PRIMA1: variants seen among roughly 807,000 people sequenced by gnomAD.
PRIMA1 encodes proline rich membrane anchor 1, also known as proline-rich membrane anchor 1.
In PRIMA1, 7 loss-of-function variants were observed where a neutral mutation model predicts 17.5. The observed-to-expected ratio is 0.40, with a 90% CI of 0.23 to 0.75. The LOEUF is 0.75. PRIMA1 is among the 30% of genes least tolerant of loss of function. The pLI, the probability that PRIMA1 is intolerant of heterozygous loss-of-function variation, is 0.37. For synonymous variants in PRIMA1, 97 were observed against 77.9 expected (o/e 1.25, Z -1.29); for missense variants, 200 against 201.8 (o/e 0.99, Z 0.05).
In PRIMA1 at chr14:93,726,819, C is replaced by A. The variant is rs1487869770; in HGVS notation, c.360-5273G>T. Among the ~76,000 whole-genome samples the A allele has an allele frequency of 6.6e-6, 1 of 152,090 alleles. No individual in the cohort carries two copies. The highest frequency in any genetic ancestry group is 1.5e-5 in the Non-Finnish European group (1 of 68,014). On this transcript the variant is annotated intron_variant, in intron 4 of 4. Transcript: ENST00000393140. This position sits in a 1 kb window ranked among gnomAD's most constrained non-coding sequence, Gnocchi z 4.2. The stretch of plus-strand genomic sequence containing the variant: ...ACACACATGTACTTCAACACACACA[C>A]AATATACACATACACACATGTCCCT...
At chr14:93,752,368 C>A (rs2076265104) in intron 3 of PRIMA1, among the ~76,000 whole-genome samples, 1 of 152,226 alleles carries the variant, frequency 6.6e-6, no homozygotes, top group Admixed American at 6.5e-5. Context: ...CCGCCCCCGG[C>A]AAGCCAACGC....
intron 3 of PRIMA1, among the ~76,000 whole-genome samples, chr14:93,776,837 C>T (rs1344954156): frequency 6.6e-6 from 1 of 152,246 alleles, no homozygotes; most frequent in African/African-American, 2.4e-5. Context: ...ATGGCTTTCA[C>T]ATCTCTCTAC....
chr14:93,727,777 C>T (rs1286622452), intron 4 of PRIMA1, among the ~76,000 whole-genome samples: 2 of 152,184 alleles, frequency 1.3e-5, no homozygotes, highest in African/African-American at 4.8e-5. Context: ...TTCACCTTGT[C>T]TTCCTGTCAC....
intron 3 of PRIMA1, among the ~76,000 whole-genome samples, chr14:93,770,174 T>C (rs1408790496): frequency 6.6e-6 from 1 of 152,150 alleles, no homozygotes; most frequent in Non-Finnish European, 1.5e-5. Flanking sequence ...CATCTCTCCC[T>C]GCACCGTCAC....
chr14:93,776,802 G>A (rs1313796502), intron 3 of PRIMA1, among the ~76,000 whole-genome samples: 1 of 152,160 alleles, frequency 6.6e-6, no homozygotes, highest in Non-Finnish European at 1.5e-5. Flanking sequence ...TTACTTTATA[G>A]AGAAGGTCTC....
intron 3 of PRIMA1, among the ~76,000 whole-genome samples, chr14:93,744,886 G>T (rs2076207171): frequency 6.6e-6 from 1 of 152,152 alleles, no homozygotes; most frequent in Non-Finnish European, 1.5e-5. Flanking sequence ...GGGGCACAGA[G>T]CTCCTGGGGG....
intron 4 of PRIMA1, among the ~76,000 whole-genome samples, chr14:93,724,752 C>T (rs543206949): frequency 3.9e-5 from 6 of 152,176 alleles, no homozygotes; most frequent in Non-Finnish European, 7.3e-5. Context: ...CCCAAGCCCA[C>T]ACTGCATTCT....
intron 1 of PRIMA1, among the ~76,000 whole-genome samples, chr14:93,788,187 G>T (rs1207233578): frequency 1.3e-5 from 2 of 152,032 alleles, no homozygotes; most frequent in Non-Finnish European, 2.9e-5. Flanking sequence ...CACACCCACC[G>T]ACTCCTGCCT....
At chr14:93,770,038 C>T (rs1441523441) in intron 3 of PRIMA1, among the ~76,000 whole-genome samples, 1 of 152,220 alleles carries the variant, frequency 6.6e-6, no homozygotes, top group African/African-American at 2.4e-5. Context: ...TAGCAGCATT[C>T]TTGCTTCCGC....
intron 3 of PRIMA1, among the ~76,000 whole-genome samples, chr14:93,758,639 C>A (rs559981939): frequency 1.3e-5 from 2 of 148,666 alleles, no homozygotes; most frequent in Non-Finnish European, 3.0e-5. Context: ...AAGAAATAAT[C>A]GACATTCAAA....
Position 93,778,490 on chromosome 14 carries a change from C to T in PRIMA1, c.229+686G>A, listed in dbSNP as rs1264953225. Among the ~76,000 whole-genome samples, 6 of 152,250 alleles carry T rather than the reference C, an allele frequency of 3.9e-5. No individual in the cohort carries two copies. In the East Asian group the frequency reaches 7.7e-4, roughly 20 times the overall value. On this transcript the variant is annotated intron_variant, in intron 3 of 4. Coordinates refer to ENST00000393140, the MANE Select transcript of PRIMA1 (RefSeq NM_178013.4). ...GAGATGTGTTTAATGAGGTAGATACCGACATGATCACGGGCATCCTATAGG... is the reference window on the plus strand; with the variant it reads ...GAGATGTGTTTAATGAGGTAGATACTGACATGATCACGGGCATCCTATAGG...
rs1024179639 is a variant in PRIMA1, at chr14:93,726,135, C to G, written c.360-4589G>C. Reference sequence around the variant, plus strand: ...CCTGGGCTTGGAGGGCAGCAGGCTCCCACATTCCCTGCTCGGAGTGCCGCG... The same window carrying G: ...CCTGGGCTTGGAGGGCAGCAGGCTCGCACATTCCCTGCTCGGAGTGCCGCG... On this transcript the variant is annotated intron_variant, in intron 4 of 4. Coordinates refer to ENST00000393140, the MANE Select transcript of PRIMA1 (RefSeq NM_178013.4). The surrounding 1 kb of genome is among the most constrained non-coding windows in gnomAD (Gnocchi z 4.2). The G allele has an allele frequency of 9.0e-6, 4 of 446,528 alleles. No homozygotes were observed. The highest frequency in any genetic ancestry group is 6.0e-5 in the African/African-American group (3 of 49,806). The allele number at this position is 446,528 out of a possible 1,614,324, so 27.7% of individuals were successfully genotyped here.
At chr14:93,788,919 C>G (rs903682220), upstream of PRIMA1, among the ~76,000 whole-genome samples, 1 of 152,116 alleles carries the variant, frequency 6.6e-6, no homozygotes, top group Non-Finnish European at 1.5e-5. Context: ...CTGGGGTGCC[C>G]GAGCTCTCTA....
At chr14:93,777,113 T>A (rs1885241247) in intron 3 of PRIMA1, among the ~76,000 whole-genome samples, 1 of 152,202 alleles carries the variant, frequency 6.6e-6, no homozygotes, top group South Asian at 2.1e-4. Flanking sequence ...TGAATGTAGA[T>A]CATTGTTTGG....
At chr14:93,771,609 G>A (rs577758642) in intron 3 of PRIMA1, among the ~76,000 whole-genome samples, 1 of 152,212 alleles carries the variant, frequency 6.6e-6, no homozygotes, top group Non-Finnish European at 1.5e-5. Flanking sequence ...GTAGCAGCAA[G>A]AGAAAGAAAA....
chr14:93,755,532 T>G (rs1394522720), intron 3 of PRIMA1, among the ~76,000 whole-genome samples: 1 of 152,172 alleles, frequency 6.6e-6, no homozygotes, highest in East Asian at 1.9e-4. Flanking sequence ...TTCTTTGTGG[T>G]CTTGGTTCAT....
intron 4 of PRIMA1, among the ~76,000 whole-genome samples, chr14:93,724,297 C>T (rs1839344945): frequency 6.6e-6 from 1 of 152,210 alleles, no homozygotes. Flanking sequence ...TGCTTTAACT[C>T]AGCATATCCC....
intron 2 of PRIMA1, among the ~76,000 whole-genome samples, chr14:93,783,202 T>C (rs1428865693): frequency 1.3e-5 from 2 of 152,338 alleles, no homozygotes; most frequent in East Asian, 3.9e-4. Flanking sequence ...TCCTGAACAA[T>C]CATGACTTTC....
chr14:93,735,418 C>CA (rs1275253919), intron 4 of PRIMA1, among the ~76,000 whole-genome samples: 1 of 152,168 alleles, frequency 6.6e-6, no homozygotes, highest in African/African-American at 2.4e-5. Context: ...TCCTCTGCTC[C>CA]GCTGCTTAAA....
Sources: gnomAD v4.1 joint callset for allele counts (sites outside exome capture counted in the v4.1 genomes callset) on GRCh38, gnomAD v4.1.1 for gene constraint, Gnocchi (gnomAD v3.1) non-coding constraint, MANE v1.5 for transcripts, NCBI Gene and HGNC (gene_info 2026-07-23, HGNC 2026-07-21) for gene names.